The following CAPN13 variants were observed in gnomAD, a reference collection of about 807,000 sequenced individuals.
The protein encoded by CAPN13 is calpain 13.
A neutral mutation model predicts 98.4 loss-of-function variants in CAPN13; 90 were observed. The ratio of observed to expected loss-of-function variants is 0.92; its 90% CI spans 0.77 to 1.09. The LOEUF (loss-of-function observed/expected upper bound fraction) is 1.09. CAPN13 is among the 50% of genes least tolerant of loss of function. CAPN13 has a pLI of 0.00. For synonymous variants in CAPN13, 330 were observed against 305.5 expected (o/e 1.08, Z -0.84); for missense variants, 887 against 841.3 (o/e 1.05, Z -0.67).
chr2:30,760,257 T>C lies in CAPN13; in HGVS notation c.775-2120A>G, dbSNP rs6758708. On this transcript the variant is annotated intron_variant, in intron 7 of 22. Transcript: ENST00000295055. ...ACCCGCCTAATGCCCGGCTAATCTT[T>C]TGTATTTTTAGTAGAGACGGGGTTT... Among the ~76,000 whole-genome samples the C allele has an allele frequency of 8.2e-3, 1,247 of 152,320 alleles. 16 individuals are homozygous for C. Among genetic ancestry groups the C allele is most frequent in the African/African-American group, 0.028 (1,164 of 41,572 alleles).
intron 4 of CAPN13, among the ~76,000 whole-genome samples, chr2:30,772,373 G>T (rs987145544): frequency 1.3e-5 from 2 of 152,186 alleles, no homozygotes; most frequent in South Asian, 2.1e-4. Context: ...CAGTACCCAG[G>T]CTCCCAGCAA....
intron 5 of CAPN13, among the ~76,000 whole-genome samples, 181 bp from the exon 6 acceptor site, chr2:30,764,487 G>A (rs1253373795): frequency 6.6e-6 from 1 of 152,152 alleles, no homozygotes; most frequent in East Asian, 1.9e-4. Flanking sequence ...CAGCTCCAGG[G>A]GCTCCTACCA....
intron 2 of CAPN13, among the ~76,000 whole-genome samples, chr2:30,780,573 A>G (rs556488706): frequency 9.2e-6 from 1 of 109,066 alleles, no homozygotes; most frequent in East Asian, 2.1e-4. Flanking sequence ...ATTTTAGCTA[A>G]TTAGGAACAA....
At chr2:30,753,458 T>C (rs1039768644) in intron 9 of CAPN13, among the ~76,000 whole-genome samples, 5 of 152,232 alleles carry the variant, frequency 3.3e-5, no homozygotes, top group Admixed American at 2.0e-4. Flanking sequence ...CCTTAACCCA[T>C]TGATCCGATG....
intron 22 of CAPN13, among the ~76,000 whole-genome samples, chr2:30,727,836 C>T (rs1005306706): frequency 5.9e-5 from 9 of 151,882 alleles, no homozygotes; most frequent in African/African-American, 2.2e-4. Context: ...AACATATGTC[C>T]CCCCAAAAAC....
chr2:30,742,948 G>A (rs1243118981), intron 13 of CAPN13, among the ~76,000 whole-genome samples: 8 of 152,136 alleles, frequency 5.3e-5, no homozygotes, highest in African/African-American at 1.7e-4. Context: ...TATGGATGCC[G>A]ATGCTACTTA....
At chr2:30,798,343 A>C (rs1337374834) in intron 1 of CAPN13, among the ~76,000 whole-genome samples, 1 of 151,998 alleles carries the variant, frequency 6.6e-6, no homozygotes, top group Non-Finnish European at 1.5e-5. Flanking sequence ...AGGCTGGATG[A>C]CTCTACACGG....
intron 1 of CAPN13, among the ~76,000 whole-genome samples, chr2:30,806,723 G>A (rs529251102): frequency 2.0e-5 from 3 of 152,306 alleles, no homozygotes; most frequent in Admixed American, 1.3e-4. Flanking sequence ...ACATGTGTGT[G>A]ACCATGACAC....
In CAPN13 at chr2:30,740,900, C is replaced by T. The variant is rs75462549; in HGVS notation, c.1536+1008G>A. Among the ~76,000 whole-genome samples, 870 of 152,342 alleles carry T rather than the reference C, an allele frequency of 5.7e-3. 2 individuals are homozygous for T. The highest frequency in any genetic ancestry group is 8.5e-3 in the Non-Finnish European group (581 of 68,026). Reference sequence around the variant, plus strand: ...AGGGGCTAACCTTCATTCACTCAGGCATCAGCTCTGGGGGAGGTGATCTGT... The same window carrying T: ...AGGGGCTAACCTTCATTCACTCAGGTATCAGCTCTGGGGGAGGTGATCTGT... On this transcript the variant is annotated intron_variant, in intron 15 of 22. Coordinates refer to ENST00000295055, the MANE Select transcript of CAPN13 (RefSeq NM_144575.3).
intron 12 of CAPN13, among the ~76,000 whole-genome samples, chr2:30,744,138 C>G (rs1225584281): frequency 6.6e-6 from 1 of 152,146 alleles, no homozygotes; most frequent in East Asian, 1.9e-4. Context: ...GTTCCTATTA[C>G]CAGATGTCAC....
rs756509815 is a variant in CAPN13, at chr2:30,776,011, C to T, written c.306G>A (p.Leu102=). ...DCWFLAALGS[L]TQNPQYRQKI... is the part of the protein sequence containing the mutation. ...TCTGCCTGTACTGTGGGTTCTGAGT[C>T]AAGGATCCCAGTGCTGCCAGGAACC... The change falls in exon 4 of 23, where the codon TTG becomes TTA. Residue 102 remains leucine, a synonymous_variant. Coordinates refer to ENST00000295055, the MANE Select transcript of CAPN13 (RefSeq NM_144575.3). The T allele has an allele frequency of 2.3e-5, 37 of 1,612,764 alleles. No individual in the cohort carries two copies. The highest frequency in any genetic ancestry group is 3.1e-5 in the Non-Finnish European group (36 of 1,179,358).
chr2:30,741,884 G>A (rs1264475699), intron 15 of CAPN13, 24 bp downstream of exon 15: 1 of 1,613,876 alleles, frequency 6.2e-7, no homozygotes, highest in Admixed American at 1.7e-5. Flanking sequence ...CCCACGTAAG[G>A]CCCCTGGGTG....
chr2:30,776,762 A>G (rs1006511566), intron 3 of CAPN13, among the ~76,000 whole-genome samples: 1 of 151,854 alleles, frequency 6.6e-6, no homozygotes, highest in Non-Finnish European at 1.5e-5. Context: ...CACCCCTAAC[A>G]TGATCAATTT....
chr2:30,782,469 GC>G (rs1306139452), intron 2 of CAPN13, among the ~76,000 whole-genome samples: 1 of 152,166 alleles, frequency 6.6e-6, no homozygotes, highest in Non-Finnish European at 1.5e-5. Flanking sequence ...GTTACCTATT[GC>G]CTTATGGAAC....
chr2:30,775,436 T>C (rs760256633), intron 4 of CAPN13, among the ~76,000 whole-genome samples: 14 of 152,286 alleles, frequency 9.2e-5, no homozygotes, highest in Middle Eastern at 3.4e-3. Flanking sequence ...AATACATAAA[T>C]GCTGCTGCAT....
intron 1 of CAPN13, among the ~76,000 whole-genome samples, chr2:30,791,308 G>A (rs1043272474): frequency 2.6e-4 from 39 of 152,338 alleles, no homozygotes; most frequent in African/African-American, 8.7e-4. Context: ...AGATACTGCT[G>A]AGCCATACAA....
intron 5 of CAPN13, among the ~76,000 whole-genome samples, chr2:30,769,120 T>A (rs1467692721): frequency 6.6e-6 from 1 of 152,222 alleles, no homozygotes; most frequent in Non-Finnish European, 1.5e-5. Flanking sequence ...GACTGCTGCG[T>A]GGCTCTCCAT....
chr2:30,750,846 T>A (rs1233536846), intron 11 of CAPN13, among the ~76,000 whole-genome samples: 1 of 152,216 alleles, frequency 6.6e-6, no homozygotes, highest in Non-Finnish European at 1.5e-5. Context: ...CATTAGATTC[T>A]GCAGCATCCC....
At chr2:30,730,638 C>T (rs1190344591) in intron 22 of CAPN13, 92 bp downstream of exon 22, 1 of 698,412 alleles carries the variant, frequency 1.4e-6, no homozygotes, top group African/African-American at 1.8e-5. Context: ...TGGGGAGGCT[C>T]TCCCAAGGAG....
Sources: allele counts gnomAD v4.1 joint callset (sites outside exome capture counted in the v4.1 genomes callset), GRCh38; gene constraint gnomAD v4.1.1; transcripts MANE v1.5; gene names NCBI Gene and HGNC (gene_info 2026-07-23, HGNC 2026-07-21).